GALNTL6: variants seen among roughly 807,000 people sequenced by gnomAD.
GALNTL6 encodes the protein polypeptide N-acetylgalactosaminyltransferase like 6, also known as polypeptide N-acetylgalactosaminyltransferase-like 6.
A neutral mutation model predicts 73.7 loss-of-function variants in GALNTL6; 46 were observed. The ratio of observed to expected loss-of-function variants is 0.62; its 90% CI spans 0.49 to 0.80. The LOEUF is 0.80. GALNTL6 is among the 30% of genes least tolerant of loss of function. The pLI is 0.00. For missense variants in GALNTL6, 604 were observed against 755.0 expected, an observed-to-expected ratio of 0.80 and a Z score of 2.34; for synonymous variants, 259 against 263.7, an observed-to-expected ratio of 0.98 and a Z score of 0.17.
chr4:172,575,025 G>T (rs1736908617), intron 5 of GALNTL6, among the ~76,000 whole-genome samples: 1 of 151,884 alleles, frequency 6.6e-6, no homozygotes, highest in East Asian at 1.9e-4. Context: ...AGGATATTTG[G>T]AAAAAGGCTC....
At chr4:171,841,060 G>T (rs1449832697) in intron 2 of GALNTL6, among the ~76,000 whole-genome samples, 1 of 152,160 alleles carries the variant, frequency 6.6e-6, no homozygotes, top group Non-Finnish European at 1.5e-5. Context: ...TGTACCAAGG[G>T]TGGCTGTGAA....
chr4:172,640,476 T>C (rs1008582770), intron 5 of GALNTL6, among the ~76,000 whole-genome samples: 3 of 152,254 alleles, frequency 2.0e-5, no homozygotes, highest in East Asian at 1.9e-4. Context: ...ATAGACTAGA[T>C]GTCTTTAAAA....
At chr4:172,438,145 T>G (rs1453358030) in intron 5 of GALNTL6, among the ~76,000 whole-genome samples, 4 of 152,090 alleles carry the variant, frequency 2.6e-5, no homozygotes, top group African/African-American at 7.2e-5. Flanking sequence ...CTTTTGAGAA[T>G]GTATTTGCTA....
At chr4:172,959,638 C>T (rs1307273044) in intron 10 of GALNTL6, among the ~76,000 whole-genome samples, 2 of 152,038 alleles carry the variant, frequency 1.3e-5, no homozygotes, top group Middle Eastern at 6.8e-3. Context: ...AGTCTTCAGC[C>T]GCTAAGCTGA....
At chr4:172,931,363 T>G (rs1355745517) in intron 9 of GALNTL6, 95 bp downstream of exon 9, 2 of 778,048 alleles carry the variant, frequency 2.6e-6, no homozygotes, top group Non-Finnish European at 4.7e-6. Context: ...AGAAAAGCTC[T>G]CCAGTGTACA....
At chr4:172,296,995 C>T (rs1173275395) in intron 3 of GALNTL6, among the ~76,000 whole-genome samples, 2 of 152,146 alleles carry the variant, frequency 1.3e-5, no homozygotes, top group African/African-American at 4.8e-5. Flanking sequence ...TAAAAGTGTT[C>T]CTGTTTCTCC....
At chr4:172,244,312 A>C (rs1269825539) in intron 3 of GALNTL6, among the ~76,000 whole-genome samples, 1 of 152,160 alleles carries the variant, frequency 6.6e-6, no homozygotes, top group Non-Finnish European at 1.5e-5. Flanking sequence ...AAATTGAATG[A>C]CAATTATCTA....
chr4:172,492,529 T>C (rs1733933453), intron 5 of GALNTL6, among the ~76,000 whole-genome samples: 1 of 152,158 alleles, frequency 6.6e-6, no homozygotes, highest in Non-Finnish European at 1.5e-5. Flanking sequence ...TTAATACACC[T>C]GAAAGATTAG....
At chr4:171,891,517 T>C (rs1047942947) in intron 2 of GALNTL6, among the ~76,000 whole-genome samples, 3 of 152,222 alleles carry the variant, frequency 2.0e-5, no homozygotes, top group Non-Finnish European at 4.4e-5. Context: ...GAAGAAATCA[T>C]TGTCTCAATG....
intron 2 of GALNTL6, among the ~76,000 whole-genome samples, chr4:172,036,627 G>A (rs112795145): frequency 4.6e-5 from 7 of 152,178 alleles, no homozygotes; most frequent in African/African-American, 1.7e-4. Context: ...CACTTTTGTA[G>A]ATGAGACAGA....
intron 2 of GALNTL6, among the ~76,000 whole-genome samples, chr4:172,214,305 A>G (rs1257968708): frequency 6.6e-6 from 1 of 152,018 alleles, no homozygotes; most frequent in African/African-American, 2.4e-5. Flanking sequence ...TAAACATTAG[A>G]ATCAGTTTGT....
intron 5 of GALNTL6, among the ~76,000 whole-genome samples, chr4:172,591,207 T>A (rs568102254): frequency 5.8e-4 from 88 of 152,338 alleles, no homozygotes; most frequent in African/African-American, 1.9e-3. Flanking sequence ...TTTAGGCAAT[T>A]AATTCTTCTC....
chr4:172,460,459 G>A (rs191931196), intron 5 of GALNTL6, among the ~76,000 whole-genome samples: 1 of 152,238 alleles, frequency 6.6e-6, no homozygotes, highest in East Asian at 1.9e-4. Flanking sequence ...GAAAATTTTT[G>A]CAACCTATCC....
At chr4:172,927,746 C>G (rs1026123828) in intron 8 of GALNTL6, among the ~76,000 whole-genome samples, 5 of 152,096 alleles carry the variant, frequency 3.3e-5, no homozygotes, top group Admixed American at 6.5e-5. Context: ...GGAGTAGCCT[C>G]AGAGAGTCAA....
chr4:172,830,406 C>A lies in GALNTL6; in HGVS notation c.923+16683C>A, dbSNP rs145562692. Among the ~76,000 whole-genome samples, 6 of 145,882 alleles carry A rather than the reference C, an allele frequency of 4.1e-5. No homozygotes were observed. In the Admixed American group the frequency reaches 4.2e-4, roughly 10 times the overall value. ...TGAAGTGAGCCTAAAATATTAAAAA[C>A]GACAGTTTACTCAAACTTTTGTTTG... On this transcript the variant is annotated intron_variant, in intron 7 of 12. Transcript: ENST00000506823.
chr4:172,483,006 G>A (rs1374230055), intron 5 of GALNTL6, among the ~76,000 whole-genome samples: 1 of 150,976 alleles, frequency 6.6e-6, no homozygotes, highest in Non-Finnish European at 1.5e-5. Context: ...ATGAGTTTAT[G>A]TATATATATA....
At chr4:172,488,279 T>A (rs113067360) in intron 5 of GALNTL6, among the ~76,000 whole-genome samples, 1 of 152,316 alleles carries the variant, frequency 6.6e-6, no homozygotes, top group Admixed American at 6.5e-5. Context: ...CTCCTCTAAC[T>A]TATTTGATTA....
At chr4:172,308,003 C>CTGTTTTTTTTTTTT (rs1740206511) in intron 3 of GALNTL6, among the ~76,000 whole-genome samples, 1 of 34,588 alleles carries the variant, frequency 2.9e-5, no homozygotes, top group Non-Finnish European at 5.0e-5. Context: ...TGTGTTTTAA[C>CTGTTTTTTTTTTTT]TTTTTTTTTT....
At chr4:172,087,403 C>A (rs1326111564) in intron 2 of GALNTL6, among the ~76,000 whole-genome samples, 2 of 148,806 alleles carry the variant, frequency 1.3e-5, no homozygotes, top group Non-Finnish European at 3.0e-5. Flanking sequence ...CGAGGTCGCG[C>A]CACTGCACTC....
Sources: allele counts gnomAD v4.1 joint callset (sites outside exome capture counted in the v4.1 genomes callset), GRCh38; gene constraint gnomAD v4.1.1; transcripts MANE v1.5; gene names NCBI Gene and HGNC (gene_info 2026-07-23, HGNC 2026-07-21).